The following EEF1AKMT1 variants were observed in gnomAD, a reference collection of about 807,000 sequenced individuals.
EEF1AKMT1 encodes EEF1A lysine methyltransferase 1.
Under a neutral mutation model 21.0 loss-of-function variants are expected in EEF1AKMT1, and 18 were observed. The observed-to-expected ratio is 0.86, with a 90% confidence interval of 0.59 to 1.27. The LOEUF is 1.27. Ranked by LOEUF, EEF1AKMT1 falls within the 50% of genes most tolerant of loss-of-function variation. The pLI is 0.00. For missense variants in EEF1AKMT1, 246 were observed against 258.6 expected (o/e 0.95, Z 0.33); for synonymous variants, 109 against 94.8 (o/e 1.15, Z -0.87).
intron 2 of EEF1AKMT1, among the ~76,000 whole-genome samples, chr13:20,748,726 G>GTTTTTTTTTTTTTTTTTTT (rs750094631): frequency 5.1e-4 from 37 of 72,618 alleles, no homozygotes; most frequent in African/African-American, 9.5e-4. Context: ...TTTTTTTTTG[G>GTTTTTTTTTTTTTTTTTTT]TTTTTTTTTT....
chr13:20,738,989 G>A (rs950833110), intron 2 of EEF1AKMT1, among the ~76,000 whole-genome samples: 8 of 152,234 alleles, frequency 5.3e-5, no homozygotes, highest in Admixed American at 3.3e-4. Context: ...GAGTGTGACA[G>A]TTCTTAAAGA....
intron 1 of EEF1AKMT1, among the ~76,000 whole-genome samples, chr13:20,764,833 TA>T (rs55702156): frequency 1.3e-5 from 2 of 149,044 alleles, no homozygotes; most frequent in African/African-American, 5.0e-5. Context: ...CTCATGCTTT[TA>T]AAAAAAAGCT....
At chr13:20,732,540 C>G (rs1411736458) in intron 3 of EEF1AKMT1, among the ~76,000 whole-genome samples, 8 of 152,148 alleles carry the variant, frequency 5.3e-5, no homozygotes, top group Admixed American at 1.3e-4. Flanking sequence ...ATCATGTTGG[C>G]TAGGCTGGTC....
At chr13:20,762,430 C>T (rs1022160533) in intron 1 of EEF1AKMT1, among the ~76,000 whole-genome samples, 23 of 151,968 alleles carry the variant, frequency 1.5e-4, no homozygotes, top group African/African-American at 5.6e-4. Context: ...CTCAAGTGAT[C>T]CGCCCACCTC....
chr13:20,750,806 G>T (rs372531109), intron 2 of EEF1AKMT1, among the ~76,000 whole-genome samples: 1 of 151,994 alleles, frequency 6.6e-6, no homozygotes, highest in South Asian at 2.1e-4. Flanking sequence ...TCCCACCAAC[G>T]GTGTATAAGA....
chr13:20,749,431 T>G (rs1192644683), intron 2 of EEF1AKMT1, among the ~76,000 whole-genome samples: 1 of 152,174 alleles, frequency 6.6e-6, no homozygotes, highest in African/African-American at 2.4e-5. Context: ...AGATTTCCTA[T>G]TCCTTGGAGC....
chr13:20,739,261 C>T (rs114155374), intron 2 of EEF1AKMT1, among the ~76,000 whole-genome samples: 11 of 152,250 alleles, frequency 7.2e-5, no homozygotes, highest in South Asian at 4.2e-4. Flanking sequence ...ATAAAGGCAA[C>T]GCAGACCCAA....
intron 1 of EEF1AKMT1, among the ~76,000 whole-genome samples, chr13:20,762,213 T>G (rs1365599669): frequency 3.3e-5 from 5 of 150,168 alleles, no homozygotes; most frequent in African/African-American, 1.2e-4. Flanking sequence ...GGCAGAGTCT[T>G]GCTCTGTTGC....
intron 1 of EEF1AKMT1, among the ~76,000 whole-genome samples, chr13:20,771,965 C>A (rs746847624): frequency 1.3e-5 from 2 of 151,458 alleles, no homozygotes; most frequent in African/African-American, 2.4e-5. Context: ...CAGCTGAGAT[C>A]TCGCCATTGC....
intron 1 of EEF1AKMT1, among the ~76,000 whole-genome samples, chr13:20,764,723 C>T (rs1195358077): frequency 6.6e-6 from 1 of 151,934 alleles, no homozygotes; most frequent in Non-Finnish European, 1.5e-5. Flanking sequence ...GTTGTTTGTT[C>T]TTGATGAATT....
At chr13:20,737,026 G>A (rs1243066662) in intron 3 of EEF1AKMT1, among the ~76,000 whole-genome samples, 1 of 150,970 alleles carries the variant, frequency 6.6e-6, no homozygotes, top group East Asian at 2.0e-4. Flanking sequence ...GAGCCACCAC[G>A]CCCAGTCACC....
chr13:20,728,773 G>A lies in EEF1AKMT1; in HGVS notation c.*307C>T, dbSNP rs1331021566. 2.8e-6 allele frequency: 1 copy of A among 363,286 alleles called. No homozygotes were observed. Among genetic ancestry groups the A allele is most frequent in the African/African-American group, 2.1e-5 (1 of 47,934 alleles). The allele number at this position is 363,286 out of a possible 1,614,324, so 22.5% of individuals were successfully genotyped here. ...GGCCAAGGTCCTGTCTCATTCAGGA[G>A]CCCTTGGGCAAGCCACACAACTGTT... is the stretch of plus-strand genomic sequence containing the variant. On this transcript the variant is annotated 3_prime_UTR_variant, in exon 5 of 5. Coordinates refer to ENST00000382758, the MANE Select transcript of EEF1AKMT1 (RefSeq NM_001318939.2).
intron 2 of EEF1AKMT1, among the ~76,000 whole-genome samples, chr13:20,752,405 A>G (rs1166683306): frequency 6.6e-6 from 1 of 152,174 alleles, no homozygotes; most frequent in Non-Finnish European, 1.5e-5. Flanking sequence ...TGAGATGATC[A>G]TATAACATTT....
chr13:20,731,891 G>A lies in EEF1AKMT1; in HGVS notation c.458C>T (p.Thr153Ile). 1 of 1,614,164 alleles carries A rather than the reference G, an allele frequency of 6.2e-7. No homozygotes were observed. The highest frequency in any genetic ancestry group is 1.1e-5 in the South Asian group (1 of 91,084). The part of the protein sequence containing the change: ...PYLSEECLRK[T>I]SETVKYLTRG... ...CGTCAGGTACTTGACGGTTTCCGAT[G>A]TTTTTCTGAGACATTCCTCCGAAAG... Residue 153 changes from threonine (T) to isoleucine (I), a missense_variant, in exon 4 of 5, where the codon ACA (threonine) becomes ATA (isoleucine). Transcript: ENST00000382758.
At chr13:20,737,615 TACA>T (rs2141414663) in intron 3 of EEF1AKMT1, 105 bp downstream of exon 3, 1 of 931,800 alleles carries the variant, frequency 1.1e-6, no homozygotes, top group East Asian at 2.7e-5. Flanking sequence ...AACCATGATC[TACA>T]ATATTTACAG....
intron 1 of EEF1AKMT1, among the ~76,000 whole-genome samples, chr13:20,768,322 G>C (rs78395685): frequency 1.3e-5 from 2 of 152,288 alleles, no homozygotes; most frequent in African/African-American, 4.8e-5. Flanking sequence ...GAGCAGAGCA[G>C]CACTTAGTCT....
intron 1 of EEF1AKMT1, among the ~76,000 whole-genome samples, chr13:20,760,611 T>C (rs1263863886): frequency 6.6e-6 from 1 of 152,188 alleles, no homozygotes; most frequent in Non-Finnish European, 1.5e-5. Flanking sequence ...TATTGGGTGA[T>C]GGGTTCACTA....
intron 4 of EEF1AKMT1, among the ~76,000 whole-genome samples, chr13:20,730,001 C>T (rs932258385): frequency 6.6e-6 from 1 of 152,246 alleles, no homozygotes; most frequent in South Asian, 2.1e-4. Context: ...CCCTGTTAGG[C>T]ACTGGGGGCC....
At chr13:20,748,214 A>G (rs991103018) in intron 2 of EEF1AKMT1, among the ~76,000 whole-genome samples, 119 of 152,244 alleles carry the variant, frequency 7.8e-4, no homozygotes, top group African/African-American at 2.7e-3. Context: ...AGGCGGGCGG[A>G]CCATGAGGTC....
Sources: allele counts gnomAD v4.1 joint callset (sites outside exome capture counted in the v4.1 genomes callset), GRCh38; gene constraint gnomAD v4.1.1; transcripts MANE v1.5; gene names NCBI Gene and HGNC (gene_info 2026-07-23, HGNC 2026-07-21).